The following RASGRP3 variants were observed in gnomAD, a reference collection of about 807,000 sequenced individuals.
RASGRP3 encodes RAS guanyl releasing protein 3, also known as ras guanyl-releasing protein 3.
RASGRP3 carries 54 observed loss-of-function variants against 82.7 expected under a neutral mutation model. The observed-to-expected ratio is 0.65, with a 90% CI of 0.52 to 0.82. RASGRP3 has a LOEUF of 0.82. Ranked by LOEUF, RASGRP3 falls within the 40% of genes least tolerant of loss-of-function variation. RASGRP3 has a pLI of 0.00. For missense variants in RASGRP3, 861 were observed against 828.9 expected, an observed-to-expected ratio of 1.04 and a Z score of -0.48; for synonymous variants, 309 against 300.5, an observed-to-expected ratio of 1.03 and a Z score of -0.29.
At chr2:33,550,486 CCTTTGATAATT>C in intron 14 of RASGRP3, among the ~76,000 whole-genome samples, 1 of 152,340 alleles carries the variant, frequency 6.6e-6, no homozygotes, top group East Asian at 1.9e-4. Flanking sequence ...CCTTCCCCCA[CCTTTGATAATT>C]CTTTGGGAAC....
chr2:33,511,111 C>G (rs982400871), intron 1 of RASGRP3, among the ~76,000 whole-genome samples: 2 of 152,060 alleles, frequency 1.3e-5, no homozygotes, highest in African/African-American at 4.8e-5. Context: ...TAATTCAAAC[C>G]CTGGGAGAAA....
intron 2 of RASGRP3, among the ~76,000 whole-genome samples, chr2:33,512,063 A>G (rs550731039): frequency 3.2e-4 from 48 of 152,366 alleles, no homozygotes; most frequent in Non-Finnish European, 5.9e-4. Flanking sequence ...TGTAGACACA[A>G]TAATGTCCAC....
intron 14 of RASGRP3, 67 bp downstream of exon 14, chr2:33,549,818 A>G: frequency 6.6e-7 from 1 of 1,507,230 alleles, no homozygotes; most frequent in African/African-American, 1.4e-5. Flanking sequence ...AAAAGTAGGA[A>G]AATGATACAC....
At chr2:33,494,464 A>T (rs1669134132) in intron 1 of RASGRP3, among the ~76,000 whole-genome samples, 1 of 152,218 alleles carries the variant, frequency 6.6e-6, no homozygotes, top group African/African-American at 2.4e-5. Flanking sequence ...GCTAGAAATT[A>T]TCCTACAGGA....
In RASGRP3 at chr2:33,438,477, G is replaced by A. The variant is rs368731576; in HGVS notation, c.-385+1886G>A. On this transcript the variant is annotated intron_variant, in intron 1 of 18. Transcript: ENST00000402538. Reference sequence around the variant, plus strand: ...CTTGGGAGGCTGAGGCAGAAGAATCGCTTGAACCCAGGAGGTGGAGGTTGC... The same window carrying A: ...CTTGGGAGGCTGAGGCAGAAGAATCACTTGAACCCAGGAGGTGGAGGTTGC... 2.6e-4 allele frequency among the ~76,000 whole-genome samples: 40 copies of A among 151,592 alleles called. No individual in the cohort carries two copies. The East Asian group carries it at 6.5e-3, about 24-fold the overall frequency.
intron 2 of RASGRP3, among the ~76,000 whole-genome samples, chr2:33,468,830 T>C (rs917436245): frequency 1.3e-5 from 2 of 152,226 alleles, no homozygotes; most frequent in African/African-American, 4.8e-5. Flanking sequence ...GAAATATCCT[T>C]ATACATATGC....
chr2:33,529,295 C>T (rs1348359314), intron 10 of RASGRP3, among the ~76,000 whole-genome samples: 1 of 151,468 alleles, frequency 6.6e-6, no homozygotes, highest in African/African-American at 2.4e-5. Flanking sequence ...GAGATCGAGA[C>T]CATCCTGGCT....
intron 10 of RASGRP3, among the ~76,000 whole-genome samples, chr2:33,529,694 C>T (rs1178364361): frequency 6.6e-6 from 1 of 152,044 alleles, no homozygotes; most frequent in Non-Finnish European, 1.5e-5. Context: ...TGAGACCTTG[C>T]TTTCAGCCTT....
chr2:33,445,185 T>C (rs2150876926), intron 1 of RASGRP3, among the ~76,000 whole-genome samples: 1 of 152,356 alleles, frequency 6.6e-6, no homozygotes. Context: ...AGCTTCTGTG[T>C]GCTAAATACG....
chr2:33,437,711 G>A (rs113494612), intron 1 of RASGRP3, among the ~76,000 whole-genome samples: 1 of 151,972 alleles, frequency 6.6e-6, no homozygotes, highest in African/African-American at 2.4e-5. Context: ...TTCTTTCCTG[G>A]GAGAATTTAA....
rs1044127161 is a variant in RASGRP3 at position 33,541,787 on chromosome 2, A to AT, written c.1279-1718dup. Among the ~76,000 whole-genome samples the AT allele has an allele frequency of 1.4e-5, 2 of 146,678 alleles. 1 individual carries two copies. The highest frequency in any genetic ancestry group is 3.1e-5 in the Non-Finnish European group (2 of 65,510). On this transcript the variant is annotated intron_variant, in intron 12 of 17. Coordinates refer to ENST00000403687, the MANE Select transcript of RASGRP3 (RefSeq NM_001139488.2). ...TTGTTAATTGAGCTTTTTTGGTTCAATTTTTTTGCATTTTATTAAATAAAA... is the reference window on the plus strand; with the variant it reads ...TTGTTAATTGAGCTTTTTTGGTTCAATTTTTTTTGCATTTTATTAAATAAAA...
At chr2:33,448,644 G>C (rs550023154) in intron 2 of RASGRP3, among the ~76,000 whole-genome samples, 1 of 152,266 alleles carries the variant, frequency 6.6e-6, no homozygotes, top group South Asian at 2.1e-4. Context: ...GTAGATTAGA[G>C]GTGGCTGGGG....
In RASGRP3 at chr2:33,555,536, G is replaced by T; in HGVS notation, c.1548G>T (p.Trp516Cys). The T allele has an allele frequency of 6.3e-7, 1 of 1,598,576 alleles. No homozygotes were observed. The highest frequency in any genetic ancestry group is 8.6e-7 in the Non-Finnish European group (1 of 1,168,596). Residue 516 changes from tryptophan to cysteine, a missense_variant, in exon 15 of 18, where the codon TGG becomes TGT. By Grantham distance (215) the Trp-to-Cys change is radical. Transcript: ENST00000403687. ...TFCEHCAGFL[W>C]GIIKQGYKCK... ...TCCTTTGTCTTTTGTTACAGCTCTG[G>T]GGCATAATCAAGCAAGGATACAAAT...
rs76096788 is a variant in RASGRP3, at chr2:33,515,322, G to T, written c.70+116G>T. On this transcript the variant is annotated intron_variant, in intron 3 of 17. Coordinates refer to ENST00000403687, the MANE Select transcript of RASGRP3 (RefSeq NM_001139488.2). ...CAGTCTCTGTACCTTGGTATTTAAG[G>T]CCTTTCGGATGGACCCGGGTCTGTC... 0.01 allele frequency: 11,161 copies of T among 1,100,226 alleles called. 812 individuals are homozygous for T. The African/African-American group carries it at 0.16, about 16-fold the overall frequency. The allele number at this position is 1,100,226 out of a possible 1,614,324, so 68.2% of individuals were successfully genotyped here. A position where few individuals can be genotyped will look rare whatever the true frequency, so the allele number is the denominator to read the frequency against.
chr2:33,559,540 G>A, intron 17 of RASGRP3: 1 of 503,188 alleles, frequency 2.0e-6, no homozygotes, highest in South Asian at 1.5e-5. Context: ...TCTAAACCAG[G>A]CTCTGCCTCC....
chr2:33,550,151 G>A (rs1053610207), intron 14 of RASGRP3, among the ~76,000 whole-genome samples: 1 of 152,126 alleles, frequency 6.6e-6, no homozygotes, highest in Non-Finnish European at 1.5e-5. Context: ...GTCATGGCAT[G>A]GTTCAATAAT....
At chr2:33,505,920 T>C (rs1670332304) in intron 1 of RASGRP3, among the ~76,000 whole-genome samples, 1 of 152,202 alleles carries the variant, frequency 6.6e-6, no homozygotes. Context: ...TTTCATGGTA[T>C]TTATTACTAA....
At position 33,463,859 on chromosome 2, in the gene RASGRP3, C is replaced by G. The variant is rs534307358; in HGVS notation, c.-261+15916C>G. On this transcript the variant is annotated intron_variant, in intron 2 of 18. Coordinates refer to the RASGRP3 transcript ENST00000402538. ...TCGTGATCCGCCTGCCTCGGCCTCC[C>G]GAAGTGCTGGGATTATAGGCATGAG... Among the ~76,000 whole-genome samples the G allele has an allele frequency of 1.8e-4, 27 of 151,852 alleles. 2 individuals are homozygous for G. The East Asian group carries it at 5.0e-3, about 28-fold the overall frequency.
chr2:33,535,323 C>G (rs1673501872), intron 11 of RASGRP3, among the ~76,000 whole-genome samples: 1 of 152,172 alleles, frequency 6.6e-6, no homozygotes, highest in Non-Finnish European at 1.5e-5. Context: ...TGCACTAATA[C>G]AAAATGCCTG....
Sources: allele counts gnomAD v4.1 joint callset (sites outside exome capture counted in the v4.1 genomes callset), GRCh38; gene constraint gnomAD v4.1.1; transcripts MANE v1.5; gene names NCBI Gene and HGNC (gene_info 2026-07-23, HGNC 2026-07-21).